FMN1: variants seen among roughly 807,000 people sequenced by gnomAD.
FMN1 encodes formin 1.
In FMN1, 110 loss-of-function variants were observed where a neutral mutation model predicts 132.4. The ratio of observed to expected loss-of-function variants is 0.83; its 90% CI spans 0.71 to 0.97. FMN1 has a LOEUF of 0.97. Among genes scored for constraint, FMN1 ranks in the 50% least tolerant of loss-of-function variants. The probability of loss-of-function intolerance (pLI) is 0.00; values close to 1 mark genes in which losing one functional copy is unlikely to be tolerated. For missense variants in FMN1, 1,792 were observed against 1,705.3 expected, an observed-to-expected ratio of 1.05 and a Z score of -0.90; for synonymous variants, 722 against 651.7, an observed-to-expected ratio of 1.11 and a Z score of -1.64.
intron 4 of FMN1, among the ~76,000 whole-genome samples, chr15:33,094,839 A>T (rs1201807378): frequency 1.3e-5 from 2 of 152,170 alleles, no homozygotes; most frequent in Non-Finnish European, 2.9e-5. Context: ...ATATTTTAAC[A>T]CTTGAAAAAC....
intron 9 of FMN1, among the ~76,000 whole-genome samples, chr15:32,957,347 CACAG>C (rs2140539637): frequency 9.4e-6 from 1 of 106,328 alleles, no homozygotes; most frequent in Admixed American, 1.4e-4. Context: ...GAGAAAGAAT[CACAG>C]ACAATGAAGG....
chr15:32,773,712 C>G lies in FMN1; in HGVS notation c.*598G>C, dbSNP rs2056324234. On this transcript the variant is annotated 3_prime_UTR_variant, in exon 21 of 21. Coordinates refer to ENST00000616417, the MANE Select transcript of FMN1 (RefSeq NM_001277313.2). ...CCCAGGTATGATTCTGTTTTTTCTC[C>G]TTTTCATCACGTAAACCATAACAAC... The G allele has an allele frequency of 1.3e-5, 2 of 152,294 alleles. No homozygotes were observed. Among genetic ancestry groups the G allele is most frequent in the African/African-American group, 4.8e-5 (2 of 41,412 alleles). 9.4% of individuals were successfully genotyped at this position (152,294 alleles called of 1,614,324 possible).
At chr15:33,123,743 T>C (rs1322150323) in intron 4 of FMN1, among the ~76,000 whole-genome samples, 1 of 152,210 alleles carries the variant, frequency 6.6e-6, no homozygotes, top group African/African-American at 2.4e-5. Flanking sequence ...TTCCTCCATT[T>C]GGCCTTTTGG....
intron 3 of FMN1, among the ~76,000 whole-genome samples, chr15:33,171,504 T>TA (rs147493970): frequency 6.6e-6 from 1 of 152,180 alleles, no homozygotes; most frequent in Non-Finnish European, 1.5e-5. Context: ...ATATGTCGAT[T>TA]AAAAAAACTT....
At position 32,861,965 on chromosome 15, in the gene FMN1, G is replaced by A. The variant is rs11858289; in HGVS notation, c.3836-4858C>T. ...TCCAAGGCCCTCTCTGCAGCCCCAC[G>A]GGCTGGGATTCCCACGTGGCCTGTA... On this transcript the variant is annotated intron_variant, in intron 16 of 20. Coordinates refer to ENST00000616417, the MANE Select transcript of FMN1 (RefSeq NM_001277313.2). 5.6e-3 allele frequency among the ~76,000 whole-genome samples: 845 copies of A among 152,246 alleles called. 3 individuals are homozygous for A. The highest frequency in any genetic ancestry group is 0.02 in the African/African-American group (817 of 41,558).
intron 5 of FMN1, among the ~76,000 whole-genome samples, chr15:33,080,033 C>G (rs944988900): frequency 2.6e-5 from 4 of 152,174 alleles, no homozygotes; most frequent in African/African-American, 9.7e-5. Context: ...TCACAACATA[C>G]ACAAATGAAC....
At chr15:32,915,243 T>C (rs1317390431) in intron 10 of FMN1, among the ~76,000 whole-genome samples, 2 of 152,180 alleles carry the variant, frequency 1.3e-5, no homozygotes, top group South Asian at 4.1e-4. Flanking sequence ...TCACCAAATA[T>C]AGTTTAGGTT....
intron 4 of FMN1, among the ~76,000 whole-genome samples, chr15:33,092,064 G>A (rs2038923148): frequency 6.6e-6 from 1 of 152,122 alleles, no homozygotes; most frequent in Admixed American, 6.5e-5. Context: ...ACACACACAG[G>A]TTATCTGTAC....
chr15:32,775,172 G>A (rs1039872536), intron 20 of FMN1, among the ~76,000 whole-genome samples: 5 of 152,184 alleles, frequency 3.3e-5, no homozygotes, highest in African/African-American at 1.2e-4. Context: ...GAGATATGAT[G>A]TTGCAGTGAA....
intron 4 of FMN1, among the ~76,000 whole-genome samples, chr15:33,110,565 T>C (rs943746719): frequency 2.0e-5 from 3 of 152,058 alleles, no homozygotes; most frequent in African/African-American, 7.2e-5. Context: ...GAGCATTTTT[T>C]GAGAATAGCT....
intron 20 of FMN1, among the ~76,000 whole-genome samples, chr15:32,775,399 ACTGTTTC>A (rs992653162): frequency 2.0e-5 from 3 of 151,870 alleles, no homozygotes; most frequent in African/African-American, 7.3e-5. Flanking sequence ...TCGTAAACCC[ACTGTTTC>A]CCTTTTGTCT....
intron 7 of FMN1, among the ~76,000 whole-genome samples, chr15:32,988,454 T>C (rs2033221960): frequency 2.6e-5 from 4 of 152,214 alleles, no homozygotes; most frequent in Admixed American, 2.6e-4. Context: ...TTAAATATGC[T>C]ACTTTAAACC....
chr15:32,886,507 G>T (rs746906981), intron 16 of FMN1, among the ~76,000 whole-genome samples: 1 of 152,142 alleles, frequency 6.6e-6, no homozygotes, highest in African/African-American at 2.4e-5. Context: ...GGCGCTATGG[G>T]GGAACCCTTG....
At chr15:32,982,838 C>T (rs1032868985) in intron 7 of FMN1, among the ~76,000 whole-genome samples, 4 of 152,126 alleles carry the variant, frequency 2.6e-5, no homozygotes, top group Admixed American at 6.5e-5. Flanking sequence ...ACCCCCAGCC[C>T]TCCTGAATCT....
rs1311126778 is a variant in FMN1, at chr15:32,811,023, C to A, written c.3929-6691G>T. On this transcript the variant is annotated intron_variant, in intron 17 of 20. Coordinates refer to ENST00000616417, the MANE Select transcript of FMN1 (RefSeq NM_001277313.2). ...TGAGTGTGGCAATCGTTTTCCATTT[C>A]TTAGAAAATCCCCGTTGTGCACTTT... 8 of 456,404 alleles carry A rather than the reference C, an allele frequency of 1.8e-5. No homozygotes were observed. In the East Asian group the frequency reaches 4.9e-4, roughly 28 times the overall value. The allele number at this position is 456,404 out of a possible 1,614,324, so 28.3% of individuals were successfully genotyped here.
chr15:33,118,299 A>C (rs2040005928), intron 4 of FMN1, among the ~76,000 whole-genome samples: 1 of 152,202 alleles, frequency 6.6e-6, no homozygotes, highest in South Asian at 2.1e-4. Flanking sequence ...CTTATAGTTT[A>C]ACATCCAGTC....
At chr15:32,999,860 T>C (rs1445196753) in intron 7 of FMN1, among the ~76,000 whole-genome samples, 2 of 152,206 alleles carry the variant, frequency 1.3e-5, no homozygotes, top group Non-Finnish European at 2.9e-5. Context: ...GGGCATGTAC[T>C]TTTCTTTCTT....
intron 6 of FMN1, among the ~76,000 whole-genome samples, chr15:33,016,619 T>C (rs115102231): frequency 0.027 from 4,116 of 152,302 alleles, 196 homozygotes; most frequent in African/African-American, 0.095. Flanking sequence ...GGCTAGCAGC[T>C]GGTGAGAGGC....
At chr15:32,852,191 T>C (rs1431052309) in intron 17 of FMN1, among the ~76,000 whole-genome samples, 2 of 152,180 alleles carry the variant, frequency 1.3e-5, no homozygotes, top group Admixed American at 6.5e-5. Flanking sequence ...CTGTCTAAAG[T>C]TGACCTCACT....
Sources: gnomAD v4.1 joint callset for allele counts (sites outside exome capture counted in the v4.1 genomes callset) on GRCh38, gnomAD v4.1.1 for gene constraint, MANE v1.5 for transcripts, NCBI Gene and HGNC (gene_info 2026-07-23, HGNC 2026-07-21) for gene names.